The following KIF1A variants were observed in gnomAD, a reference collection of about 807,000 sequenced individuals.
KIF1A encodes the protein kinesin family member 1A, also known as kinesin-like protein KIF1A.
Under a neutral mutation model 227.3 loss-of-function variants are expected in KIF1A, and 46 were observed. The ratio of observed to expected loss-of-function variants is 0.20; its 90% CI spans 0.16 to 0.26. The LOEUF is 0.26. KIF1A is among the 10% of genes least tolerant of loss of function. KIF1A has a pLI of 1.00. For synonymous variants in KIF1A, 1,022 were observed against 1,012.8 expected, an observed-to-expected ratio of 1.01 and a Z score of -0.17; for missense variants, 1,683 against 2,485.9, an observed-to-expected ratio of 0.68 and a Z score of 6.87.
chr2:240,741,341 C>G lies in KIF1A; in HGVS notation c.3677G>C (p.Cys1226Ser). The change falls in exon 35 of 49, where the codon TGT becomes TCT. Residue 1226 changes from cysteine to serine, a missense_variant. Transcript: ENST00000498729. ...ATKLSTLTRP[C>S]PGPCHCKYDL... ...GTACTTGCAGTGGCAGGGTCCCGGA[C>G]AGGGCCGCGTCAGTGTGCTGAGCTT... The G allele has an allele frequency of 6.3e-7, 1 of 1,592,036 alleles. No homozygotes were observed. The highest frequency in any genetic ancestry group is 8.5e-7 in the Non-Finnish European group (1 of 1,173,022).
At chr2:240,773,574 G>A (rs896490804) in intron 12 of KIF1A, among the ~76,000 whole-genome samples, 3 of 152,196 alleles carry the variant, frequency 2.0e-5, no homozygotes, top group Non-Finnish European at 2.9e-5. Flanking sequence ...CCAGGGTAGA[G>A]GGAGAAAGTC....
Position 240,717,415 on chromosome 2 carries a change from G to T in KIF1A, c.5334-9C>A. On this transcript the variant is annotated splice_polypyrimidine_tract_variant and intron_variant, in intron 48 of 48. Coordinates refer to ENST00000498729, the MANE Select transcript of KIF1A (RefSeq NM_001244008.2). ...TTCTGGAGAGCTTGGACCTGCAGAA[G>T]AGTTGGGAGAGGCGGCGTGGTCAGG... is the stretch of plus-strand genomic sequence containing the variant. The T allele has an allele frequency of 1.2e-6, 2 of 1,610,768 alleles. No homozygotes were observed.
At chr2:240,801,658 G>T (rs1416832831) in intron 1 of KIF1A, among the ~76,000 whole-genome samples, 1 of 152,148 alleles carries the variant, frequency 6.6e-6, no homozygotes. Flanking sequence ...GCCTTTATAA[G>T]GTGATTAGGT....
intron 1 of KIF1A, among the ~76,000 whole-genome samples, chr2:240,808,180 A>C (rs2057578254): frequency 6.6e-6 from 1 of 152,188 alleles, no homozygotes; most frequent in African/African-American, 2.4e-5. Flanking sequence ...CAAACAACAT[A>C]AATATGAATT....
intron 15 of KIF1A, 29 bp downstream of exon 15, chr2:240,770,942 C>T (rs2051879628): frequency 1.2e-6 from 2 of 1,606,024 alleles, no homozygotes; most frequent in East Asian, 4.5e-5. Context: ...CAGAGTCTGA[C>T]ACCCTGAAGC....
At position 240,758,557 on chromosome 2, in the gene KIF1A, AC is replaced by A. The variant is rs2050139149; in HGVS notation, c.2445-61del. On this transcript the variant is annotated intron_variant, in intron 25 of 48. Coordinates refer to ENST00000498729, the MANE Select transcript of KIF1A (RefSeq NM_001244008.2). This position sits in a 1 kb window ranked among gnomAD's most constrained non-coding sequence, Gnocchi z 5.2. Reference sequence around the variant, plus strand: ...CCCAGCGCTCAGCAGCTGGCACCGCACACCCTTATCTCCTGGGGACAGTGGG... The same window carrying A: ...CCCAGCGCTCAGCAGCTGGCACCGCAACCCTTATCTCCTGGGGACAGTGGG... The A allele has an allele frequency of 1.4e-6, 2 of 1,465,186 alleles. No homozygotes were observed. Among genetic ancestry groups the A allele is most frequent in the African/African-American group, 2.8e-5 (2 of 71,018 alleles). 90.8% of individuals were successfully genotyped at this position (1,465,186 alleles called of 1,614,324 possible).
In KIF1A at chr2:240,726,198, C is replaced by T. The variant is rs542311508; in HGVS notation, c.4122+628G>A. Among the ~76,000 whole-genome samples, 1 of 152,348 alleles carries T rather than the reference C, an allele frequency of 6.6e-6. No homozygotes were observed. Among genetic ancestry groups the T allele is most frequent in the African/African-American group, 2.4e-5 (1 of 41,586 alleles). Reference sequence around the variant, plus strand: ...CTCTGGGGGTGCTGTGGGGATGGAACACTTCTGTTTTTGTGCTGCCCGGAA... The same window carrying T: ...CTCTGGGGGTGCTGTGGGGATGGAATACTTCTGTTTTTGTGCTGCCCGGAA... On this transcript the variant is annotated intron_variant, in intron 39 of 48. Transcript: ENST00000498729. The surrounding 1 kb of genome is among the most constrained non-coding windows in gnomAD (Gnocchi z 5.2).
chr2:240,723,315 C>T lies in KIF1A; in HGVS notation c.4464+98G>A, dbSNP rs868104279. The T allele has an allele frequency of 2.1e-5, 26 of 1,224,278 alleles. No individual in the cohort carries two copies. The South Asian group carries it at 3.5e-4, about 17-fold the overall frequency. 75.8% of individuals were successfully genotyped at this position (1,224,278 alleles called of 1,614,324 possible). ...ACTCCCAAGCAGCTGTGCTGCCCCC[C>T]AGTAGGCACCAGGCCCTGGGCCCTC... On this transcript the variant is annotated intron_variant, in intron 42 of 48. Coordinates refer to ENST00000498729, the MANE Select transcript of KIF1A (RefSeq NM_001244008.2).
rs1206250360 is a variant in KIF1A, at chr2:240,793,091, G to T, written c.107-3779C>A. On this transcript the variant is annotated intron_variant, in intron 2 of 48. Coordinates refer to ENST00000498729, the MANE Select transcript of KIF1A (RefSeq NM_001244008.2). This position sits in a 1 kb window ranked among gnomAD's most constrained non-coding sequence, Gnocchi z 4.8. ...AGCCCTCTGTAACAGCAGCCCCAGGGACCACACGGGTGCTACTGCTGCCCG... is the reference window on the plus strand; with the variant it reads ...AGCCCTCTGTAACAGCAGCCCCAGGTACCACACGGGTGCTACTGCTGCCCG... Among the ~76,000 whole-genome samples the T allele has an allele frequency of 2.0e-5, 3 of 152,206 alleles. No homozygotes were observed. Among genetic ancestry groups the T allele is most frequent in the Non-Finnish European group, 2.9e-5 (2 of 68,030 alleles).
intron 38 of KIF1A, among the ~76,000 whole-genome samples, chr2:240,727,778 G>A (rs2046198756): frequency 6.6e-6 from 1 of 152,200 alleles, no homozygotes; most frequent in African/African-American, 2.4e-5. Context: ...ACCACGTTCC[G>A]CAAACACCTT....
chr2:240,767,556 G>A (rs927382139), intron 17 of KIF1A, among the ~76,000 whole-genome samples: 13 of 152,246 alleles, frequency 8.5e-5, no homozygotes, highest in African/African-American at 3.1e-4. Context: ...ACAGCAGCAG[G>A]CCGGTGGGAC....
chr2:240,745,706 A>G (rs1266024477), intron 31 of KIF1A, 32 bp downstream of exon 31: 3 of 1,596,938 alleles, frequency 1.9e-6, no homozygotes, highest in African/African-American at 2.7e-5. Context: ...GTCCCTGCGC[A>G]GCGCAGGGAC....
At chr2:240,731,076 C>G (rs1303880559) in intron 38 of KIF1A, among the ~76,000 whole-genome samples, 4 of 152,218 alleles carry the variant, frequency 2.6e-5, no homozygotes, top group Non-Finnish European at 4.4e-5. Context: ...CCCTTTAAAG[C>G]TCGAAACCTG....
rs115037937 is a variant in KIF1A, at chr2:240,743,895, G to A, written c.3584+47C>T. 9,832 of 1,251,828 alleles carry A rather than the reference G, an allele frequency of 7.9e-3. 284 individuals carry two copies. The African/African-American group carries it at 0.087, about 11-fold the overall frequency. 77.5% of individuals were successfully genotyped at this position (1,251,828 alleles called of 1,614,324 possible). ...CAGCTGGATGAAAAGATCTGGGCAG[G>A]GGCTTTGAGGACAGCAGCCCCGAAC... On this transcript the variant is annotated intron_variant, in intron 33 of 48. Coordinates refer to ENST00000498729, the MANE Select transcript of KIF1A (RefSeq NM_001244008.2).
rs746012228 is a variant in KIF1A at position 240,770,957 on chromosome 2, G to A, written c.1341+14C>T. The A allele has an allele frequency of 1.2e-6, 2 of 1,608,738 alleles. No individual in the cohort carries two copies. Among genetic ancestry groups the A allele is most frequent in the South Asian group, 1.1e-5 (1 of 90,994 alleles). ...CAGAGTCTGACACCCTGAAGCCCCA[G>A]GTGGTGCCCTCACCTTCAGTCTTTC... On this transcript the variant is annotated intron_variant, in intron 15 of 48. Coordinates refer to ENST00000498729, the MANE Select transcript of KIF1A (RefSeq NM_001244008.2).
At chr2:240,744,538 G>A (rs546839869) in intron 32 of KIF1A, among the ~76,000 whole-genome samples, 13 of 152,322 alleles carry the variant, frequency 8.5e-5, no homozygotes, top group Middle Eastern at 3.4e-3. Flanking sequence ...GGTCATCAGA[G>A]TAGGTCCCAA....
At chr2:240,765,113 C>T (rs766968178) in intron 20 of KIF1A, among the ~76,000 whole-genome samples, 8 of 152,258 alleles carry the variant, frequency 5.3e-5, no homozygotes, top group Non-Finnish European at 8.8e-5. Context: ...GCTGCTGTTT[C>T]TCTGGCAGAA....
At chr2:240,774,020 C>T (rs2052390473) in intron 12 of KIF1A, among the ~76,000 whole-genome samples, 163 bp downstream of exon 12, 1 of 152,202 alleles carries the variant, frequency 6.6e-6, no homozygotes, top group Admixed American at 6.5e-5. Context: ...CCTATGCAGG[C>T]CCAGGAGCCT....
At position 240,758,401 on chromosome 2, in the gene KIF1A, GT is replaced by G. The variant is rs1377199336; in HGVS notation, c.2540del (p.Asp847AlafsTer31). The G allele has an allele frequency of 6.2e-7, 1 of 1,612,992 alleles. No homozygotes were observed. The highest frequency in any genetic ancestry group is 1.7e-5 in the Admixed American group (1 of 59,924). ...ACCAGGGGAAGCGGTCATAGAAGGG[GT>G]CTCCGCCGGTCACCACGTTGTCACA... ...EDCDNVVTGGDPFYDRFPWFR... is the reference protein window; with the variant it reads ...EDCDNVVTGGXPFYDRFPWFR... On this transcript the variant is annotated frameshift_variant, in exon 26 of 49. Transcript: ENST00000498729. LOFTEE classifies it high-confidence loss of function. This position sits in a 1 kb window ranked among gnomAD's most constrained non-coding sequence, Gnocchi z 5.2.
Sources: gnomAD v4.1 joint callset for allele counts (sites outside exome capture counted in the v4.1 genomes callset) on GRCh38, gnomAD v4.1.1 for gene constraint, Gnocchi (gnomAD v3.1) non-coding constraint, MANE v1.5 for transcripts, NCBI Gene and HGNC (gene_info 2026-07-23, HGNC 2026-07-21) for gene names.